Variants in TSHZ2 observed in about 807,000 individuals in gnomAD.
TSHZ2 encodes the protein teashirt zinc finger homeobox 2.
TSHZ2 carries 21 observed loss-of-function variants against 74.4 expected under a neutral mutation model. The ratio of observed to expected loss-of-function variants is 0.28; its 90% CI spans 0.20 to 0.41. TSHZ2 has a LOEUF of 0.41. TSHZ2 is among the 10% of genes least tolerant of loss of function. The pLI, the probability that TSHZ2 is intolerant of heterozygous loss-of-function variation, is 1.00. For synonymous variants in TSHZ2, 540 were observed against 515.3 expected, an observed-to-expected ratio of 1.05 and a Z score of -0.65; for missense variants, 1,244 against 1,293.5, an observed-to-expected ratio of 0.96 and a Z score of 0.59.
intron 2 of TSHZ2, among the ~76,000 whole-genome samples, chr20:53,469,045 TTATATATATATATATATATATATATA>T (rs143724013): frequency 4.7e-4 from 23 of 49,128 alleles, no homozygotes; most frequent in Non-Finnish European, 8.3e-4. Flanking sequence ...AATCGATATT[TTATATATATATATATATATATATATA>T]TATATATATA....
chr20:53,416,350 A>G (rs762383965), intron 2 of TSHZ2, among the ~76,000 whole-genome samples: 2 of 152,192 alleles, frequency 1.3e-5, no homozygotes, highest in Non-Finnish European at 2.9e-5. Flanking sequence ...AATAATAGCA[A>G]TATCCGAAAG....
At chr20:53,017,298 G>A (rs1264005019) in intron 1 of TSHZ2, among the ~76,000 whole-genome samples, 1 of 152,058 alleles carries the variant, frequency 6.6e-6, no homozygotes, top group Non-Finnish European at 1.5e-5. Flanking sequence ...TCCCTAGTTT[G>A]CTTGACTCCA....
chr20:53,022,333 G>A (rs757006946), intron 1 of TSHZ2, among the ~76,000 whole-genome samples: 1 of 152,146 alleles, frequency 6.6e-6, no homozygotes, highest in Admixed American at 6.6e-5. Context: ...CTGTCTTTTA[G>A]GGAAGTAAAT....
intron 1 of TSHZ2, among the ~76,000 whole-genome samples, chr20:53,065,682 A>G (rs921838294): frequency 6.6e-6 from 1 of 152,228 alleles, no homozygotes; most frequent in South Asian, 2.1e-4. Context: ...GCTGTGGAAT[A>G]CACAGGACCC....
At chr20:53,129,899 T>C (rs569587252) in intron 1 of TSHZ2, among the ~76,000 whole-genome samples, 39 of 151,966 alleles carry the variant, frequency 2.6e-4, no homozygotes, top group Non-Finnish European at 5.1e-4. Flanking sequence ...CTGCTTAATA[T>C]GTATTACCAA....
chr20:53,023,619 GTTTTTTTTTTTGC>G (rs775360307), intron 1 of TSHZ2, among the ~76,000 whole-genome samples: 3 of 82,458 alleles, frequency 3.6e-5, no homozygotes, highest in Admixed American at 1.0e-4. Flanking sequence ...CTCGTTTTTT[GTTTTTTTTTTTGC>G]TTTTTGTTTT....
chr20:53,115,830 A>G (rs913383249), intron 1 of TSHZ2, among the ~76,000 whole-genome samples: 2 of 152,150 alleles, frequency 1.3e-5, no homozygotes, highest in Non-Finnish European at 2.9e-5. Flanking sequence ...TTCAAGTGGA[A>G]GAAGGGGAGG....
At chr20:53,220,752 A>C (rs1361414290) in intron 1 of TSHZ2, among the ~76,000 whole-genome samples, 1 of 152,224 alleles carries the variant, frequency 6.6e-6, no homozygotes, top group Non-Finnish European at 1.5e-5. Flanking sequence ...TTGTGAATGA[A>C]GGACTAAGAA....
intron 1 of TSHZ2, among the ~76,000 whole-genome samples, chr20:53,239,312 T>G (rs1451833519): frequency 6.6e-6 from 1 of 152,212 alleles, no homozygotes; most frequent in Non-Finnish European, 1.5e-5. Flanking sequence ...TGGGACCCTC[T>G]GGGGGTAAAC....
intron 1 of TSHZ2, among the ~76,000 whole-genome samples, chr20:53,089,413 TAGAA>T (rs775669593): frequency 1.4e-5 from 2 of 147,986 alleles, no homozygotes; most frequent in African/African-American, 5.0e-5. Flanking sequence ...TGCACCGTAA[TAGAA>T]AGAGATAAGT....
intron 1 of TSHZ2, 23 bp downstream of exon 1, chr20:52,973,356 G>T: frequency 6.4e-7 from 1 of 1,550,778 alleles, no homozygotes; most frequent in Non-Finnish European, 8.7e-7. Context: ...GCTCCGCTTC[G>T]GGGCTGCCCT....
At chr20:53,274,758 A>T (rs1175763067) in intron 2 of TSHZ2, among the ~76,000 whole-genome samples, 1 of 152,186 alleles carries the variant, frequency 6.6e-6, no homozygotes, top group African/African-American at 2.4e-5. Flanking sequence ...AACGTTGCCT[A>T]TCTTTCTTTC....
intron 1 of TSHZ2, among the ~76,000 whole-genome samples, chr20:53,193,167 C>CAA (rs11481103): frequency 0.011 from 1,553 of 137,718 alleles, 31 homozygotes; most frequent in African/African-American, 0.031. Context: ...AAAATACTTT[C>CAA]AAAAAAAAAA....
At chr20:53,346,374 G>A (rs1287670100) in intron 2 of TSHZ2, among the ~76,000 whole-genome samples, 5 of 152,178 alleles carry the variant, frequency 3.3e-5, no homozygotes, top group Non-Finnish European at 5.9e-5. Flanking sequence ...CAGAAAATAG[G>A]AAGGGAACGG....
At chr20:53,318,112 G>C (rs73911290) in intron 2 of TSHZ2, among the ~76,000 whole-genome samples, 1 of 152,176 alleles carries the variant, frequency 6.6e-6, no homozygotes, top group Non-Finnish European at 1.5e-5. Context: ...AATAAGCTTG[G>C]ATCAGAAAAA....
At chr20:53,032,625 T>A (rs1019631238) in intron 1 of TSHZ2, among the ~76,000 whole-genome samples, 1 of 152,178 alleles carries the variant, frequency 6.6e-6, no homozygotes, top group Non-Finnish European at 1.5e-5. Flanking sequence ...TGTCAAAGCA[T>A]TTGGGGGTCA....
chr20:53,362,353 T>C (rs1360051816), intron 2 of TSHZ2, among the ~76,000 whole-genome samples: 1 of 149,590 alleles, frequency 6.7e-6, no homozygotes, highest in East Asian at 2.0e-4. Flanking sequence ...CCTGACTAAT[T>C]TTTTGTATTT....
chr20:53,022,832 T>G (rs1983294880), intron 1 of TSHZ2, among the ~76,000 whole-genome samples: 1 of 152,222 alleles, frequency 6.6e-6, no homozygotes, highest in Non-Finnish European at 1.5e-5. Context: ...CCTAAAGGAT[T>G]GATTGAGATG....
At chr20:53,081,897 CTT>C (rs11449860) in intron 1 of TSHZ2, among the ~76,000 whole-genome samples, 2 of 142,966 alleles carry the variant, frequency 1.4e-5, no homozygotes, top group African/African-American at 5.2e-5. Flanking sequence ...TATGTTTATT[CTT>C]TTTTTTTTTT....
Sources: allele counts gnomAD v4.1 joint callset (sites outside exome capture counted in the v4.1 genomes callset), GRCh38; gene constraint gnomAD v4.1.1; transcripts MANE v1.5; gene names NCBI Gene and HGNC (gene_info 2026-07-23, HGNC 2026-07-21).